The following SOCS5 variants were observed in gnomAD, a reference collection of about 807,000 sequenced individuals.
SOCS5 encodes the protein suppressor of cytokine signaling 5.
In SOCS5, 32 loss-of-function variants were observed where a neutral mutation model predicts 42.8. The ratio of observed to expected loss-of-function variants is 0.75; its 90% CI spans 0.56 to 1.01. The LOEUF is 1.01. Ranked by LOEUF, SOCS5 falls within the 50% of genes least tolerant of loss-of-function variation. SOCS5 has a pLI of 0.00. For missense variants in SOCS5, 627 were observed against 653.0 expected, an observed-to-expected ratio of 0.96 and a Z score of 0.43; for synonymous variants, 283 against 229.6, an observed-to-expected ratio of 1.23 and a Z score of -2.10.
In SOCS5 at chr2:46,758,983, G is replaced by C; in HGVS notation, c.453G>C (p.Arg151Ser). 6.2e-7 allele frequency: 1 copy of C among 1,613,942 alleles called. No individual in the cohort carries two copies. Among genetic ancestry groups the C allele is most frequent in the Non-Finnish European group, 8.5e-7 (1 of 1,179,840 alleles). ...GTAGAACTCGAAGTGGACTTCAAAG[G>C]AGAGAGAGGCGCTACGGCGTAAGTT... ...KFGRTRSGLQRRERRYGVSSV... is the reference protein window; with the variant it reads ...KFGRTRSGLQSRERRYGVSSV... Residue 151 changes from arginine to serine, a missense_variant, in exon 2 of 2, where the codon AGG (arginine) becomes AGC (serine). Physicochemically the swap from Arg to Ser is moderately radical, Grantham distance 110. This residue lies in a region of SOCS5 where 278 missense variants were observed against 246.3 expected (regional missense o/e 1.13). Transcript: ENST00000394861.
intron 1 of SOCS5, among the ~76,000 whole-genome samples, chr2:46,717,040 G>A (rs1672762749): frequency 1.3e-5 from 2 of 152,048 alleles, no homozygotes; most frequent in South Asian, 2.1e-4. Flanking sequence ...TTTCTTGGAC[G>A]TTTTTCTTTG....
At chr2:46,733,281 G>T (rs1478800882) in intron 1 of SOCS5, among the ~76,000 whole-genome samples, 1 of 152,038 alleles carries the variant, frequency 6.6e-6, no homozygotes, top group Non-Finnish European at 1.5e-5. Flanking sequence ...TTTTAGTAGA[G>T]ATGGGGTTTC....
At position 46,758,938 on chromosome 2, in the gene SOCS5, G is replaced by A; in HGVS notation, c.408G>A (p.Leu136=). 1.2e-6 allele frequency: 2 copies of A among 1,613,962 alleles called. No homozygotes were observed. Among genetic ancestry groups the A allele is most frequent in the Non-Finnish European group, 1.7e-6 (2 of 1,179,866 alleles). ...HSCSTKTQSS[L]DADKKFGRTR... is the part of the protein sequence containing the mutation. ...GTTCTACAAAGACCCAGAGTTCATT[G>A]GATGCTGATAAAAAGTTTGGTAGAA... The change falls in exon 2 of 2, where the codon TTG becomes TTA. Residue 136 remains leucine, a synonymous_variant. Coordinates refer to ENST00000394861, the MANE Select transcript of SOCS5 (RefSeq NM_144949.3).
rs891365866 is a variant in SOCS5, at chr2:46,760,167, A to C, written c.*26A>C. On this transcript the variant is annotated 3_prime_UTR_variant, in exon 2 of 2. Transcript: ENST00000394861. ...ACTCTCCGGTCCCCAAAGGTTGTTA[A>C]CTAGGTCCGCTTTCATGTGCATCAG... The C allele has an allele frequency of 6.4e-7, 1 of 1,565,498 alleles. No individual in the cohort carries two copies. The highest frequency in any genetic ancestry group is 1.4e-5 in the African/African-American group (1 of 73,426).
At chr2:46,708,469 A>C (rs1672543766) in intron 1 of SOCS5, among the ~76,000 whole-genome samples, 1 of 152,210 alleles carries the variant, frequency 6.6e-6, no homozygotes, top group Non-Finnish European at 1.5e-5. Context: ...GATTATAGAT[A>C]TGATTTTGAA....
rs547966680 is a variant in SOCS5 at position 46,735,349 on chromosome 2, T to C, written c.-12-23170T>C. Among the ~76,000 whole-genome samples the C allele has an allele frequency of 3.3e-5, 5 of 152,230 alleles. No individual in the cohort carries two copies. The South Asian group carries it at 8.3e-4, about 25-fold the overall frequency. On this transcript the variant is annotated intron_variant, in intron 1 of 1. Transcript: ENST00000394861. ...ACAAAGGGCATACACCAGCTGTTTC[T>C]TTAAAAAGCTTCCCTAAAGCCTCCC... is the stretch of plus-strand genomic sequence containing the variant.
intron 1 of SOCS5, among the ~76,000 whole-genome samples, chr2:46,746,213 G>C (rs1050365713): frequency 1.3e-5 from 2 of 152,090 alleles, no homozygotes; most frequent in East Asian, 3.9e-4. Flanking sequence ...GGAGAAGAGG[G>C]ATAGGCCCAA....
intron 1 of SOCS5, among the ~76,000 whole-genome samples, chr2:46,754,046 C>T (rs1673682613): frequency 6.6e-6 from 1 of 152,110 alleles, no homozygotes; most frequent in South Asian, 2.1e-4. Flanking sequence ...CATCCTGTGA[C>T]TTAGAATGCC....
chr2:46,747,302 C>G (rs956817226), intron 1 of SOCS5, among the ~76,000 whole-genome samples: 1 of 152,076 alleles, frequency 6.6e-6, no homozygotes, highest in Non-Finnish European at 1.5e-5. Context: ...CTCACTGCAG[C>G]CTTTACCTCC....
intron 1 of SOCS5, among the ~76,000 whole-genome samples, chr2:46,737,243 C>G (rs1370707103): frequency 6.6e-6 from 1 of 152,098 alleles, no homozygotes; most frequent in Non-Finnish European, 1.5e-5. Context: ...TTAAGAGTCT[C>G]TTAATTATTT....
intron 1 of SOCS5, among the ~76,000 whole-genome samples, chr2:46,752,900 A>T (rs1673654802): frequency 6.6e-6 from 1 of 151,992 alleles, no homozygotes; most frequent in Non-Finnish European, 1.5e-5. Flanking sequence ...CTCTCTCCTC[A>T]TTTCCCATTT....
intron 1 of SOCS5, among the ~76,000 whole-genome samples, chr2:46,755,391 T>C (rs1673710463): frequency 6.6e-6 from 1 of 152,212 alleles, no homozygotes; most frequent in Non-Finnish European, 1.5e-5. Context: ...TTGACTGTAC[T>C]ATTTCATTTT....
At chr2:46,712,336 C>CTTTTTTTTTTTTTTTT (rs70940636) in intron 1 of SOCS5, among the ~76,000 whole-genome samples, 1 of 64,954 alleles carries the variant, frequency 1.5e-5, no homozygotes, top group Non-Finnish European at 2.6e-5. Context: ...GGATGTTTAG[C>CTTTTTTTTTTTTTTTT]TTTTTTTTTT....
chr2:46,759,580 T>A lies in SOCS5; in HGVS notation c.1050T>A (p.His350Gln), dbSNP rs1673813479. The A allele has an allele frequency of 6.2e-7, 1 of 1,613,952 alleles. No homozygotes were observed. Among genetic ancestry groups the A allele is most frequent in the East Asian group, 2.2e-5 (1 of 44,882 alleles). Reference protein sequence around the residue: ...QRQISGDSHTHVSRQGAWKVH... With the variant: ...QRQISGDSHTQVSRQGAWKVH... The stretch of plus-strand genomic sequence containing the variant: ...AGATATCTGGAGACAGCCATACCCA[T>A]GTTAGCAGACAGGGAGCTTGGAAAG... The change falls in exon 2 of 2, where the codon CAT (histidine) becomes CAA (glutamine). Residue 350 changes from histidine (H) to glutamine (Q), a missense_variant. This residue lies in a region of SOCS5 where 340 missense variants were observed against 367.6 expected (regional missense o/e 0.92). Coordinates refer to ENST00000394861, the MANE Select transcript of SOCS5 (RefSeq NM_144949.3).
chr2:46,730,927 C>T (rs976259898), intron 1 of SOCS5, among the ~76,000 whole-genome samples: 4 of 152,174 alleles, frequency 2.6e-5, no homozygotes, highest in Non-Finnish European at 4.4e-5. Flanking sequence ...TCCGAGCTCT[C>T]CTTTTACTAA....
intron 1 of SOCS5, among the ~76,000 whole-genome samples, chr2:46,734,545 C>T (rs565038640): frequency 5.6e-4 from 85 of 152,276 alleles, no homozygotes; most frequent in African/African-American, 2.0e-3. Context: ...TAGCCATTAC[C>T]GAAGTATACA....
At chr2:46,711,502 A>G (rs894012774) in intron 1 of SOCS5, among the ~76,000 whole-genome samples, 2 of 152,214 alleles carry the variant, frequency 1.3e-5, no homozygotes, top group Admixed American at 6.5e-5. Flanking sequence ...TAGGATTTGT[A>G]TATTAATTGG....
intron 1 of SOCS5, among the ~76,000 whole-genome samples, chr2:46,734,973 C>T (rs565198469): frequency 6.6e-6 from 1 of 152,174 alleles, no homozygotes; most frequent in African/African-American, 2.4e-5. Flanking sequence ...GAGTCCATGC[C>T]TTTGCGGTAT....
intron 1 of SOCS5, among the ~76,000 whole-genome samples, chr2:46,717,202 T>G (rs1672766858): frequency 1.3e-5 from 2 of 152,318 alleles, no homozygotes; most frequent in Middle Eastern, 3.4e-3. Flanking sequence ...TGTCTCAGAC[T>G]TTACAAATTC....
Sources: allele counts gnomAD v4.1 joint callset (sites outside exome capture counted in the v4.1 genomes callset), GRCh38; gene constraint gnomAD v4.1.1; regional missense constraint gnomAD v4.1.1; transcripts MANE v1.5; gene names NCBI Gene and HGNC (gene_info 2026-07-23, HGNC 2026-07-21).